NF1: variants seen among roughly 807,000 people sequenced by gnomAD.
NF1 encodes the protein neurofibromin.
In NF1, 122 loss-of-function variants were observed where a neutral mutation model predicts 325.7. The observed-to-expected ratio is 0.37, with a 90% CI of 0.32 to 0.44. The LOEUF is 0.44. Among genes scored for constraint, NF1 ranks in the 20% least tolerant of loss-of-function variants. The pLI is 1.00. For synonymous variants in NF1, 1,091 were observed against 1,186.0 expected, an observed-to-expected ratio of 0.92 and a Z score of 1.65; for missense variants, 2,140 against 3,415.4, an observed-to-expected ratio of 0.63 and a Z score of 9.31.
chr17:31,274,632 T>C (rs1341064922), intron 36 of NF1, among the ~76,000 whole-genome samples: 2 of 152,150 alleles, frequency 1.3e-5, no homozygotes, highest in Non-Finnish European at 2.9e-5. Flanking sequence ...AGAGTAGATA[T>C]TATGAATCGG....
At chr17:31,152,004 G>A (rs192844065) in intron 1 of NF1, among the ~76,000 whole-genome samples, 1 of 152,126 alleles carries the variant, frequency 6.6e-6, no homozygotes, top group East Asian at 1.9e-4. Flanking sequence ...TTTACATTAG[G>A]TATATCTCCT....
At chr17:31,247,520 A>C (rs1282549060) in intron 29 of NF1, among the ~76,000 whole-genome samples, 3 of 152,222 alleles carry the variant, frequency 2.0e-5, no homozygotes, top group Non-Finnish European at 4.4e-5. Context: ...TGGAAATAGA[A>C]GTTAAAAACA....
In NF1 at chr17:31,304,684, A is replaced by G. The variant is rs746838590; in HGVS notation, c.4836-21136A>G. ...TGATGTACCATTTACTTGATCTTTTATTTTCTCTGTTTTGGGGTTGTTGGA... is the reference window on the plus strand; with the variant it reads ...TGATGTACCATTTACTTGATCTTTTGTTTTCTCTGTTTTGGGGTTGTTGGA... On this transcript the variant is annotated intron_variant, in intron 36 of 57. Coordinates refer to ENST00000358273, the MANE Select transcript of NF1 (RefSeq NM_001042492.3). 3.7e-6 allele frequency: 6 copies of G among 1,613,834 alleles called. No individual in the cohort carries two copies. The South Asian group carries it at 5.5e-5, about 15-fold the overall frequency.
chr17:31,141,515 G>A (rs559905408), intron 1 of NF1, among the ~76,000 whole-genome samples: 4 of 152,246 alleles, frequency 2.6e-5, no homozygotes, highest in South Asian at 2.1e-4. Context: ...AGCCAGCAGG[G>A]ATCTGTTGGG....
chr17:31,095,921 C>A (rs989557493), intron 1 of NF1, among the ~76,000 whole-genome samples: 2 of 152,018 alleles, frequency 1.3e-5, no homozygotes, highest in African/African-American at 4.8e-5. Flanking sequence ...CAGAAGAAAG[C>A]AAGGAAGGCA....
intron 12 of NF1, among the ~76,000 whole-genome samples, chr17:31,211,280 A>G (rs1240227131): frequency 6.6e-6 from 1 of 152,252 alleles, no homozygotes; most frequent in African/African-American, 2.4e-5. Flanking sequence ...ATTTCTAATT[A>G]AGAAACACAT....
chr17:31,245,881 G>A (rs916341908), intron 29 of NF1, among the ~76,000 whole-genome samples: 1 of 152,128 alleles, frequency 6.6e-6, no homozygotes, highest in East Asian at 1.9e-4. Context: ...GTTGGGGAGT[G>A]GGGCTGAAAG....
At chr17:31,373,671 C>G (rs2070687477) in intron 57 of NF1, among the ~76,000 whole-genome samples, 1 of 152,164 alleles carries the variant, frequency 6.6e-6, no homozygotes, top group Admixed American at 6.5e-5. Flanking sequence ...CACATATAGA[C>G]AGTGGTCCCG....
rs752784194 is a variant in NF1 at position 31,295,669 on chromosome 17, G to T, written c.4836-30151G>T. The T allele has an allele frequency of 5.0e-6, 8 of 1,614,070 alleles. No homozygotes were observed. In the East Asian group the frequency reaches 1.6e-4, roughly 31 times the overall value. The stretch of plus-strand genomic sequence containing the variant: ...CACATGACCACCTGTTATTGTAAAG[G>T]GTTATCTCTTGCAACTGAAAGAGTT... On this transcript the variant is annotated intron_variant, in intron 36 of 57. Transcript: ENST00000358273.
At chr17:31,120,684 G>C (rs555480245) in intron 1 of NF1, among the ~76,000 whole-genome samples, 50 of 151,668 alleles carry the variant, frequency 3.3e-4, no homozygotes, top group Non-Finnish European at 6.8e-4. Flanking sequence ...GTCTTGTGCC[G>C]GTTTTCAAAG....
intron 36 of NF1, among the ~76,000 whole-genome samples, chr17:31,270,343 T>C (rs2067868554): frequency 6.6e-6 from 1 of 152,198 alleles, no homozygotes; most frequent in African/African-American, 2.4e-5. Flanking sequence ...GCAAGGTGGC[T>C]CACACCTGTA....
chr17:31,105,390 A>G (rs1433354664), intron 1 of NF1, among the ~76,000 whole-genome samples: 1 of 152,252 alleles, frequency 6.6e-6, no homozygotes, highest in Non-Finnish European at 1.5e-5. Context: ...TCCAGATTGC[A>G]TATTTTCTTT....
At chr17:31,200,108 C>T (rs1169667984) in intron 8 of NF1, among the ~76,000 whole-genome samples, 4 of 151,306 alleles carry the variant, frequency 2.6e-5, no homozygotes, top group Admixed American at 1.3e-4. Flanking sequence ...TGTACTCCAG[C>T]CTGGGCAACA....
chr17:31,138,162 C>T (rs1455291886), intron 1 of NF1: 1 of 151,986 alleles, frequency 6.6e-6, no homozygotes, highest in Non-Finnish European at 1.5e-5. Flanking sequence ...GAATTGATTA[C>T]TCATGTAATG....
intron 48 of NF1, among the ~76,000 whole-genome samples, chr17:31,345,321 C>T (rs2069942968): frequency 6.6e-6 from 1 of 152,166 alleles, no homozygotes. Flanking sequence ...TGTATTCCGC[C>T]TGCGACTCGG....
chr17:31,325,707 T>G, intron 36 of NF1, 113 bp from the exon 37 acceptor site: 1 of 840,594 alleles, frequency 1.2e-6, no homozygotes, highest in Non-Finnish European at 1.9e-6. Context: ...TGAAGAATTG[T>G]TTTATATTAT....
intron 38 of NF1, among the ~76,000 whole-genome samples, chr17:31,329,560 A>T: frequency 6.6e-6 from 1 of 152,240 alleles, no homozygotes; most frequent in East Asian, 1.9e-4. Flanking sequence ...TAAAATTTTT[A>T]AATTGAGTCT....
At chr17:31,322,833 G>GT (rs1279414262) in intron 36 of NF1, among the ~76,000 whole-genome samples, 2 of 152,120 alleles carry the variant, frequency 1.3e-5, no homozygotes, top group Non-Finnish European at 2.9e-5. Context: ...TTTGAATCAT[G>GT]TTGGTCCTTC....
chr17:31,313,274 A>T (rs1385229992), intron 36 of NF1, among the ~76,000 whole-genome samples: 1 of 152,248 alleles, frequency 6.6e-6, no homozygotes, highest in East Asian at 1.9e-4. Context: ...TATAAAAAGT[A>T]CATTAGAACT....
Sources: allele counts gnomAD v4.1 joint callset (sites outside exome capture counted in the v4.1 genomes callset), GRCh38; gene constraint gnomAD v4.1.1; transcripts MANE v1.5; gene names NCBI Gene and HGNC (gene_info 2026-07-23, HGNC 2026-07-21).